The following ATG7 variants were observed in gnomAD, a reference collection of about 807,000 sequenced individuals.
ATG7 encodes the protein autophagy related 7, also known as ubiquitin-like modifier-activating enzyme ATG7.
Under a neutral mutation model 82.4 loss-of-function variants are expected in ATG7, and 70 were observed. The ratio of observed to expected loss-of-function variants is 0.85; its 90% CI spans 0.70 to 1.04. The LOEUF is 1.04. Ranked by LOEUF, ATG7 falls within the 50% of genes least tolerant of loss-of-function variation. The pLI, the probability that ATG7 is intolerant of heterozygous loss-of-function variation, is 0.00. For missense variants in ATG7, 792 were observed against 864.3 expected, an observed-to-expected ratio of 0.92 and a Z score of 1.05; for synonymous variants, 287 against 313.0, an observed-to-expected ratio of 0.92 and a Z score of 0.88.
chr3:11,333,138 G>A (rs1260529315), intron 11 of ATG7, 45 bp downstream of exon 11: 1 of 1,497,262 alleles, frequency 6.7e-7, no homozygotes, highest in Admixed American at 2.4e-5. Context: ...TCATTTATCA[G>A]AAACGGAACC....
chr3:11,543,956 C>T (rs968501463), intron 20 of ATG7, among the ~76,000 whole-genome samples: 1 of 152,158 alleles, frequency 6.6e-6, no homozygotes, highest in Non-Finnish European at 1.5e-5. Flanking sequence ...GCACCCAAGT[C>T]CCTACAGGGC....
rs200043617 is a variant in ATG7 at position 11,453,167 on chromosome 3, C to T, written c.2079+26241C>T. ...AATGTCCAGTTCAATGTTGAGGGGG[C>T]TGAGAGTTCTCTGGGTTCCCCAGGT... On this transcript the variant is annotated intron_variant, in intron 20 of 20. Coordinates refer to ENST00000693202, the MANE Select transcript of ATG7 (RefSeq NM_001349232.2). 1.2e-4 allele frequency among the ~76,000 whole-genome samples: 18 copies of T among 152,288 alleles called. No homozygotes were observed. The East Asian group carries it at 3.5e-3, about 29-fold the overall frequency.
intron 9 of ATG7, among the ~76,000 whole-genome samples, chr3:11,316,405 C>T (rs1949417911): frequency 6.6e-6 from 1 of 152,164 alleles, no homozygotes; most frequent in Non-Finnish European, 1.5e-5. Flanking sequence ...TGTTTTTCCT[C>T]GTGTTGTATC....
At chr3:11,472,410 C>T (rs1409772135) in intron 20 of ATG7, among the ~76,000 whole-genome samples, 3 of 152,018 alleles carry the variant, frequency 2.0e-5, no homozygotes, top group East Asian at 1.9e-4. Context: ...ACTCATCCAC[C>T]AGTGACCCTG....
At chr3:11,491,304 C>T (rs548062857) in intron 20 of ATG7, among the ~76,000 whole-genome samples, 2 of 152,320 alleles carry the variant, frequency 1.3e-5, no homozygotes, top group East Asian at 3.9e-4. Flanking sequence ...AGTTCTCAAG[C>T]CTTGGCTTTC....
intron 20 of ATG7, among the ~76,000 whole-genome samples, chr3:11,448,207 C>T (rs1187123967): frequency 6.6e-6 from 1 of 152,246 alleles, no homozygotes; most frequent in Non-Finnish European, 1.5e-5. Flanking sequence ...TTACCACCAC[C>T]TCCAAACAAA....
At chr3:11,431,783 T>C (rs962644346) in intron 20 of ATG7, among the ~76,000 whole-genome samples, 5 of 152,214 alleles carry the variant, frequency 3.3e-5, no homozygotes, top group South Asian at 4.1e-4. Context: ...GTGGTCTGTC[T>C]CCCTAAATAT....
At chr3:11,456,743 G>A (rs930409908) in intron 20 of ATG7, among the ~76,000 whole-genome samples, 5 of 152,192 alleles carry the variant, frequency 3.3e-5, no homozygotes, top group Non-Finnish European at 7.4e-5. Context: ...ACGGAAAGAA[G>A]TAGACACTTG....
intron 3 of ATG7, among the ~76,000 whole-genome samples, chr3:11,297,970 T>G (rs1308313120): frequency 6.6e-6 from 1 of 151,968 alleles, no homozygotes; most frequent in East Asian, 1.9e-4. Context: ...GCCGCAAAGG[T>G]TACTTAGAAA....
At chr3:11,570,543 T>C in the ATG7 span, among the ~76,000 whole-genome samples, 1 of 152,216 alleles carries the variant, frequency 6.6e-6, no homozygotes, top group Admixed American at 6.5e-5. Context: ...GGTGACCACA[T>C]ACCAGATGTT....
intron 1 of ATG7, among the ~76,000 whole-genome samples, chr3:11,279,541 A>G (rs541668908): frequency 5.3e-5 from 8 of 152,152 alleles, no homozygotes; most frequent in African/African-American, 1.7e-4. Flanking sequence ...AAAATTAGCC[A>G]GGCATGGTGG....
At chr3:11,412,992 C>T (rs1442086648) in intron 19 of ATG7, among the ~76,000 whole-genome samples, 3 of 151,586 alleles carry the variant, frequency 2.0e-5, no homozygotes, top group Non-Finnish European at 4.4e-5. Flanking sequence ...TTAGATTGTT[C>T]ATTATTAGTG....
chr3:11,294,928 C>T (rs1162178552), intron 3 of ATG7, among the ~76,000 whole-genome samples: 1 of 152,180 alleles, frequency 6.6e-6, no homozygotes, highest in Non-Finnish European at 1.5e-5. Context: ...GCCTGGCCAA[C>T]ATAGTGAAAC....
intron 14 of ATG7, among the ~76,000 whole-genome samples, chr3:11,357,289 A>G (rs1012542346): frequency 4.6e-5 from 7 of 152,298 alleles, no homozygotes; most frequent in Non-Finnish European, 1.0e-4. Flanking sequence ...TAATGTGCCA[A>G]AATATTATGT....
At chr3:11,337,551 G>T (rs1198591508) in intron 11 of ATG7, among the ~76,000 whole-genome samples, 3 of 151,834 alleles carry the variant, frequency 2.0e-5, no homozygotes, top group East Asian at 3.9e-4. Flanking sequence ...ATGGATGCAG[G>T]TATGGTAAAT....
At chr3:11,444,045 C>T (rs2084274606) in intron 20 of ATG7, among the ~76,000 whole-genome samples, 1 of 152,030 alleles carries the variant, frequency 6.6e-6, no homozygotes, top group Non-Finnish European at 1.5e-5. Context: ...ATTCTATTTG[C>T]CTGACTTTGA....
chr3:11,436,324 G>A (rs1270208475), intron 20 of ATG7, among the ~76,000 whole-genome samples: 1 of 152,186 alleles, frequency 6.6e-6, no homozygotes, highest in African/African-American at 2.4e-5. Context: ...AACATCCAAT[G>A]TTTATGAAGA....
chr3:11,349,936 T>C (rs1312170985), intron 14 of ATG7, among the ~76,000 whole-genome samples: 1 of 152,210 alleles, frequency 6.6e-6, no homozygotes, highest in East Asian at 1.9e-4. Flanking sequence ...GACAGTTTTC[T>C]TTTTTTAAGG....
chr3:11,440,674 C>CT (rs72177700), intron 20 of ATG7, among the ~76,000 whole-genome samples: 1,708 of 39,458 alleles, frequency 0.043, 643 homozygotes, highest in African/African-American at 0.14. Context: ...TCCCCATTTG[C>CT]TTTTTTTTTT....
Sources: allele counts gnomAD v4.1 joint callset (sites outside exome capture counted in the v4.1 genomes callset), GRCh38; gene constraint gnomAD v4.1.1; transcripts MANE v1.5; gene names NCBI Gene and HGNC (gene_info 2026-07-23, HGNC 2026-07-21).